The following OIP5 variants were observed in gnomAD, a reference collection of about 807,000 sequenced individuals.
OIP5 encodes the protein Opa interacting protein 5.
In OIP5, 24 loss-of-function variants were observed where a neutral mutation model predicts 20.3. The ratio of observed to expected loss-of-function variants is 1.18; its 90% CI spans 0.86 to 1.66. The LOEUF is 1.66. OIP5 is among the 40% of genes most tolerant of loss of function. The pLI, the probability that OIP5 is intolerant of heterozygous loss-of-function variation, is 0.00. For synonymous variants in OIP5, 143 were observed against 121.3 expected (o/e 1.18, Z -1.17); for missense variants, 339 against 289.5 (o/e 1.17, Z -1.24).
intron 2 of OIP5, among the ~76,000 whole-genome samples, chr15:41,323,062 G>T (rs190433906): frequency 5.0e-4 from 76 of 152,170 alleles, no homozygotes; most frequent in African/African-American, 1.8e-3. Flanking sequence ...CACACATATA[G>T]TAATGTAATC....
intron 3 of OIP5, among the ~76,000 whole-genome samples, chr15:41,314,167 T>C (rs1555424000): frequency 6.6e-6 from 1 of 152,074 alleles, no homozygotes; most frequent in Non-Finnish European, 1.5e-5. Context: ...AGTGGTACAA[T>C]CTCAGCTCAC....
rs778549081 is a variant in OIP5 at position 41,309,835 on chromosome 15, T to C, written c.609A>G (p.Ile203Met). The C allele has an allele frequency of 1.3e-5, 21 of 1,610,118 alleles. No homozygotes were observed. The highest frequency in any genetic ancestry group is 1.6e-4 in the Middle Eastern group (1 of 6,074). The change falls in exon 5 of 5, where the codon ATA (isoleucine) becomes ATG (methionine). Residue 203 changes from isoleucine to methionine, a missense_variant. Coordinates refer to ENST00000220514, the MANE Select transcript of OIP5 (RefSeq NM_007280.2). ...SEKIAELKEKIVLTHNRLKSL... is the reference protein window; with the variant it reads ...SEKIAELKEKMVLTHNRLKSL... ...ATTTTAAGCGATTGTGCGTTAGCAC[T>C]ATCTTCTCTTTCAGCTAGGAAGAGA...
chr15:41,327,923 C>T (rs1595503980), intron 2 of OIP5, among the ~76,000 whole-genome samples: 1 of 152,082 alleles, frequency 6.6e-6, no homozygotes, highest in South Asian at 2.1e-4. Context: ...GCCTGGGCAA[C>T]ATGTTGAAAC....
rs1460751036 is a variant in OIP5 at position 41,311,957 on chromosome 15, C to T, written c.594+1316G>A. On this transcript the variant is annotated intron_variant, in intron 4 of 4. Transcript: ENST00000220514. ...GCAACCTCTGCCTCCCAGGTTCAAG[C>T]GATTCTCCTGCCTCAGCCTCCCGAA... Among the ~76,000 whole-genome samples, 77 of 142,348 alleles carry T rather than the reference C, an allele frequency of 5.4e-4. 7 individuals carry two copies. The highest frequency in any genetic ancestry group is 7.0e-3 in the Middle Eastern group (2 of 286). 93.4% of individuals were successfully genotyped at this position (142,348 alleles called of 152,430 possible). A position where few individuals can be genotyped will look rare whatever the true frequency, so the allele number is the denominator to read the frequency against.
At position 41,331,865 on chromosome 15, in the gene OIP5, C is replaced by G. The variant is rs116066214; in HGVS notation, c.389+50G>C. The G allele has an allele frequency of 3.0e-3, 4,402 of 1,469,984 alleles. 116 individuals are homozygous for G. The African/African-American group carries it at 0.054, about 18-fold the overall frequency. 91.1% of individuals were successfully genotyped at this position (1,469,984 alleles called of 1,614,324 possible). On this transcript the variant is annotated intron_variant, in intron 2 of 4. Coordinates refer to ENST00000220514, the MANE Select transcript of OIP5 (RefSeq NM_007280.2). ...TCGTACATGTCAGTTCCACGATCCT[C>G]AGTCTCATAAAGTCAGGGACTAGAG...
chr15:41,327,201 G>C (rs978231461), intron 2 of OIP5, among the ~76,000 whole-genome samples: 1 of 150,976 alleles, frequency 6.6e-6, no homozygotes, highest in Non-Finnish European at 1.5e-5. Flanking sequence ...TTTTTTCTGA[G>C]ATGGAGTCTT....
chr15:41,327,658 T>C (rs2047870479), intron 2 of OIP5, among the ~76,000 whole-genome samples: 1 of 151,586 alleles, frequency 6.6e-6, no homozygotes, highest in East Asian at 2.0e-4. Flanking sequence ...TGTGGTGGCA[T>C]GCACCTGTAG....
intron 3 of OIP5, among the ~76,000 whole-genome samples, chr15:41,316,789 CA>C (rs11385589): frequency 2.7e-3 from 165 of 61,908 alleles, no homozygotes; most frequent in Non-Finnish European, 3.3e-3. Context: ...GACTCCATCT[CA>C]AAAAAAAAAA....
chr15:41,319,536 A>T, intron 3 of OIP5, 122 bp downstream of exon 3: 1 of 970,610 alleles, frequency 1.0e-6, no homozygotes, highest in Admixed American at 2.9e-5. Flanking sequence ...TTACAGGCAT[A>T]AGCCACTGTG....
chr15:41,330,414 T>C (rs1025758874), intron 2 of OIP5, among the ~76,000 whole-genome samples: 2 of 150,960 alleles, frequency 1.3e-5, no homozygotes, highest in Non-Finnish European at 3.0e-5. Flanking sequence ...TCAGTATTTT[T>C]TTTTTTTTTT....
At chr15:41,316,789 CAAAAA>C (rs11385589) in intron 3 of OIP5, among the ~76,000 whole-genome samples, 3 of 61,904 alleles carry the variant, frequency 4.8e-5, no homozygotes, top group Admixed American at 4.2e-4. Context: ...GACTCCATCT[CAAAAA>C]AAAAAAAAAA....
intron 4 of OIP5, among the ~76,000 whole-genome samples, chr15:41,311,763 G>A (rs998659519): frequency 3.3e-5 from 5 of 151,952 alleles, no homozygotes; most frequent in Admixed American, 6.6e-5. Context: ...TAGTAGAGAC[G>A]GGGTTTCACC....
At chr15:41,320,266 T>C (rs2047814579) in intron 2 of OIP5, among the ~76,000 whole-genome samples, 1 of 151,920 alleles carries the variant, frequency 6.6e-6, no homozygotes, top group Non-Finnish European at 1.5e-5. Context: ...GCCCTCTCCC[T>C]CTCCCTCCTC....
intron 3 of OIP5, among the ~76,000 whole-genome samples, chr15:41,319,316 C>T (rs575342949): frequency 6.6e-6 from 1 of 151,666 alleles, no homozygotes; most frequent in African/African-American, 2.4e-5. Flanking sequence ...CTCACAGTGG[C>T]GTGATCTCAG....
chr15:41,325,163 G>C (rs997794880), intron 2 of OIP5, among the ~76,000 whole-genome samples: 1 of 152,124 alleles, frequency 6.6e-6, no homozygotes, highest in Non-Finnish European at 1.5e-5. Context: ...CCAGCACTCT[G>C]GGAGGCCGAG....
chr15:41,313,293 G>C lies in OIP5; in HGVS notation c.574C>G (p.Leu192Val), dbSNP rs1323729444. ...ASEMDIQNVP[L>V]SEKIAELKEK... ...TTTACCTCTGCAATCTTTTCTGATA[G>C]AGGAACATTTTGAATATCCATCTCT... The change falls in exon 4 of 5, where the codon CTA becomes GTA. Residue 192 changes from leucine to valine, a missense_variant. Leu to Val is a conservative substitution (Grantham distance 32, BLOSUM62 1). Transcript: ENST00000220514. 5 of 1,601,764 alleles carry C rather than the reference G, an allele frequency of 3.1e-6. No individual in the cohort carries two copies. The highest frequency in any genetic ancestry group is 4.3e-6 in the Non-Finnish European group (5 of 1,172,466).
intron 3 of OIP5, among the ~76,000 whole-genome samples, chr15:41,315,209 C>T (rs2047782619): frequency 1.3e-5 from 2 of 151,608 alleles, no homozygotes; most frequent in Non-Finnish European, 2.9e-5. Context: ...GCGGGGGGAT[C>T]ACCTGAGGTC....
chr15:41,330,465 C>T (rs556838262), intron 2 of OIP5, among the ~76,000 whole-genome samples: 15 of 143,758 alleles, frequency 1.0e-4, no homozygotes, highest in Middle Eastern at 8.5e-3. Context: ...AATGCAGTGG[C>T]GCAATCTCGG....
intron 2 of OIP5, among the ~76,000 whole-genome samples, chr15:41,329,791 TACC>T (rs1328830263): frequency 6.6e-6 from 1 of 151,768 alleles, no homozygotes; most frequent in Non-Finnish European, 1.5e-5. Context: ...AACCCCCGCC[TACC>T]AGATTCAAGC....
Sources: gnomAD v4.1 joint callset for allele counts (sites outside exome capture counted in the v4.1 genomes callset) on GRCh38, gnomAD v4.1.1 for gene constraint, MANE v1.5 for transcripts, NCBI Gene and HGNC (gene_info 2026-07-23, HGNC 2026-07-21) for gene names.